DHX8: variants seen among roughly 807,000 people sequenced by gnomAD.
The protein encoded by DHX8 is ATP-dependent RNA helicase DHX8.
A neutral mutation model predicts 140.7 loss-of-function variants in DHX8; 67 were observed. The ratio of observed to expected loss-of-function variants is 0.48; its 90% CI spans 0.39 to 0.58. The LOEUF is 0.58. DHX8 is among the 20% of genes least tolerant of loss of function. The pLI, the probability that DHX8 is intolerant of heterozygous loss-of-function variation, is 0.00. For missense variants in DHX8, 887 were observed against 1,550.7 expected (o/e 0.57, Z 7.19); for synonymous variants, 533 against 553.2 (o/e 0.96, Z 0.51).
At chr17:43,490,501 GGTGTAGGTTTTGAACATCCT>G in intron 3 of DHX8, 38 bp downstream of exon 3, 1 of 1,538,756 alleles carries the variant, frequency 6.5e-7, no homozygotes. Flanking sequence ...CTTCTAGAAT[GGTGTAGGTTTTGAACATCCT>G]GTAAATTGCA....
intron 3 of DHX8, among the ~76,000 whole-genome samples, chr17:43,537,774 C>A (rs1186303219): frequency 6.6e-6 from 1 of 152,076 alleles, no homozygotes; most frequent in African/African-American, 2.4e-5. Flanking sequence ...GTGGGCGGAT[C>A]ACGAGGTCAG....
At position 43,499,891 on chromosome 17, in the gene DHX8, G is replaced by A. The variant is rs1455262947; in HGVS notation, c.1399-65G>A. 3.8e-6 allele frequency: 6 copies of A among 1,572,922 alleles called. No homozygotes were observed. In the South Asian group the frequency reaches 4.6e-5, roughly 12 times the overall value. ...TAGTCTCATGTTTTAGATTACAGGA[G>A]CTTAACTTCTACATATTATTTCCCG... On this transcript the variant is annotated intron_variant, in intron 10 of 22. Transcript: ENST00000262415.
At chr17:43,530,088 G>A (rs1046551303), downstream of DHX8, 4 of 1,606,692 alleles carry the variant, frequency 2.5e-6, no homozygotes, top group Admixed American at 5.2e-5. Context: ...GCTTGGCAGG[G>A]GAAGGGGGGC....
Position 43,491,262 on chromosome 17 carries a change from AT to A in DHX8, c.393+16del. The stretch of plus-strand genomic sequence containing the variant: ...ACCCTTCTGTTCGGGTACTGATACC[AT>A]TTTAAGAGTGTCTACTATAAATATA... On this transcript the variant is annotated intron_variant, in intron 4 of 22. Transcript: ENST00000262415. 5 of 1,423,136 alleles carry A rather than the reference AT, an allele frequency of 3.5e-6. No homozygotes were observed. The highest frequency in any genetic ancestry group is 2.4e-5 in the East Asian group (1 of 41,574). The allele number at this position is 1,423,136 out of a possible 1,614,324, so 88.2% of individuals were successfully genotyped here.
chr17:43,493,690 A>T lies in DHX8; in HGVS notation c.1016A>T (p.Asp339Val). ...CTTGTTTTTGTGCCTTAGGATGTGG[A>T]TCAAGAGACTGGAGAAGATCTAAAC... ...TKTSLSMKDVDQETGEDLNPN... is the reference protein window; with the variant it reads ...TKTSLSMKDVVQETGEDLNPN... Residue 339 changes from aspartate to valine, a missense_variant, in exon 8 of 23, where the codon GAT becomes GTT. Asp to Val is a radical substitution (Grantham distance 152, BLOSUM62 -3). This residue lies in a region of DHX8 where 98 missense variants were observed against 152.7 expected (regional missense o/e 0.64). Transcript: ENST00000262415. 5 of 1,614,222 alleles carry T rather than the reference A, an allele frequency of 3.1e-6. No individual in the cohort carries two copies. The highest frequency in any genetic ancestry group is 3.4e-6 in the Non-Finnish European group (4 of 1,180,044).
chr17:43,484,639 G>T (rs941440571), intron 1 of DHX8, among the ~76,000 whole-genome samples: 6 of 152,052 alleles, frequency 3.9e-5, no homozygotes, highest in African/African-American at 1.4e-4. Flanking sequence ...TTCTTTGACC[G>T]TTCATCCTGT....
At chr17:43,507,369 C>A in intron 13 of DHX8, 134 bp from the exon 14 acceptor site, 1 of 1,089,072 alleles carries the variant, frequency 9.2e-7, no homozygotes, top group Non-Finnish European at 1.3e-6. Context: ...ACATACCTTA[C>A]TATGAGGAAA....
chr17:43,508,244 T>C, intron 15 of DHX8, 95 bp from the exon 16 acceptor site: 1 of 1,486,334 alleles, frequency 6.7e-7, no homozygotes, highest in Non-Finnish European at 9.0e-7. Flanking sequence ...ATGCATATGT[T>C]CTGTTATTTG....
At position 43,516,320 on chromosome 17, in the gene DHX8, T is replaced by C. The variant is rs9906012; in HGVS notation, c.2644-847T>C. Among the ~76,000 whole-genome samples, 870 of 152,342 alleles carry C rather than the reference T, an allele frequency of 5.7e-3. 11 individuals are homozygous for C. The highest frequency in any genetic ancestry group is 0.02 in the African/African-American group (841 of 41,582). On this transcript the variant is annotated intron_variant, in intron 17 of 22. Transcript: ENST00000262415. ...TTTTCGCCTAGTCATTTCCTTCTAG[T>C]AGTTGATATATAAAGACTTTTACTA...
At chr17:43,532,609 G>A in intron 2 of DHX8, 1 of 1,447,532 alleles carries the variant, frequency 6.9e-7, no homozygotes, top group East Asian at 2.4e-5. Context: ...AAAAAACTCG[G>A]GAGACATTCT....
chr17:43,517,492 GGGCTAAGTTGGCATGTCTGC>G, intron 18 of DHX8, 170 bp downstream of exon 18: 1 of 705,844 alleles, frequency 1.4e-6, no homozygotes. Flanking sequence ...GGCAGGTCTG[GGGCTAAGTTGGCATGTCTGC>G]TGTGAACACA....
Position 43,507,212 on chromosome 17 carries a change from GAGT to G in DHX8, c.1923+16_1923+18del, listed in dbSNP as rs111228611. 1.7e-3 allele frequency: 2,703 copies of G among 1,586,790 alleles called. 43 individuals carry two copies. In the African/African-American group the frequency reaches 0.032, roughly 19 times the overall value. ...TAGGCCAAGAGGTAAGTAGATAGTG[GAGT>G]CGCTCGAAAAATACCAGAAGCAAAG... is the stretch of plus-strand genomic sequence containing the variant. On this transcript the variant is annotated intron_variant, in intron 13 of 22. Transcript: ENST00000262415.
intron 16 of DHX8, 48 bp downstream of exon 16, chr17:43,508,568 T>TCA: frequency 7.3e-7 from 1 of 1,372,838 alleles, no homozygotes; most frequent in Non-Finnish European, 1.0e-6. Context: ...AACCATGTGT[T>TCA]GTGTGCAGCC....
chr17:43,532,936 G>C, intron 2 of DHX8: 1 of 1,562,856 alleles, frequency 6.4e-7, no homozygotes, highest in South Asian at 1.2e-5. Context: ...GCTGGAAGAC[G>C]GAGCTGGATG....
At position 43,491,174 on chromosome 17, in the gene DHX8, TTAAACC is replaced by T; in HGVS notation, c.322_327del (p.Pro108_Lys109del). On this transcript the variant is annotated inframe_deletion, in exon 4 of 23. Transcript: ENST00000262415. ...TCTTTAATGAAACAAGATCCAGTTGTTAAACCTAAAACAGAAAAAGAAAAGCTGAAG... is the reference window on the plus strand; with the variant it reads ...TCTTTAATGAAACAAGATCCAGTTGTTAAAACAGAAAAAGAAAAGCTGAAG... 6.5e-7 allele frequency: 1 copy of T among 1,530,200 alleles called. No homozygotes were observed. Among genetic ancestry groups the T allele is most frequent in the Non-Finnish European group, 8.8e-7 (1 of 1,139,736 alleles). 94.8% of individuals were successfully genotyped at this position (1,530,200 alleles called of 1,614,324 possible).
At chr17:43,507,375 G>A in intron 13 of DHX8, 128 bp from the exon 14 acceptor site, 1 of 1,101,436 alleles carries the variant, frequency 9.1e-7, no homozygotes, top group East Asian at 2.6e-5. Context: ...CTTACTATGA[G>A]GAAATTACTG....
At chr17:43,514,058 A>G (rs1346509539) in intron 17 of DHX8, among the ~76,000 whole-genome samples, 1 of 151,778 alleles carries the variant, frequency 6.6e-6, no homozygotes, top group East Asian at 1.9e-4. Flanking sequence ...ATGCCCCCGT[A>G]AGGCCAGACA....
Position 43,490,413 on chromosome 17 carries a change from T to C in DHX8, c.257T>C (p.Leu86Pro). 1.9e-6 allele frequency: 3 copies of C among 1,613,684 alleles called. No homozygotes were observed. ...EFTDSLISNL[L>P]RLIQTMRPPA... ...AAGGATTCTCTTATTAGTAACTTGC[T>C]GCGTCTCATACAAACCATGCGGCCT... Residue 86 changes from leucine to proline, a missense_variant, in exon 3 of 23, where the codon CTG becomes CCG. By Grantham distance (98) the Leu-to-Pro change is moderately conservative. Coordinates refer to ENST00000262415, the MANE Select transcript of DHX8 (RefSeq NM_004941.3).
chr17:43,529,344 C>T (rs186194409), downstream of DHX8: 1 of 1,400,518 alleles, frequency 7.1e-7, no homozygotes, highest in African/African-American at 1.4e-5. Context: ...GCCAAGCTAG[C>T]TCTGCAACAA....
Sources: gnomAD v4.1 joint callset for allele counts (sites outside exome capture counted in the v4.1 genomes callset) on GRCh38, gnomAD v4.1.1 for gene constraint, gnomAD v4.1.1 regional missense constraint, MANE v1.5 for transcripts, NCBI Gene and HGNC (gene_info 2026-07-23, HGNC 2026-07-21) for gene names.